Variants in DHRS9 observed in about 807,000 individuals in gnomAD.
The protein encoded by DHRS9 is dehydrogenase/reductase SDR family member 9.
Under a neutral mutation model 26.6 loss-of-function variants are expected in DHRS9, and 18 were observed. The ratio of observed to expected loss-of-function variants is 0.68; its 90% confidence interval spans 0.47 to 1.00. The LOEUF (loss-of-function observed/expected upper bound fraction) is 1.00, where lower values mean the gene tolerates loss of function less well. DHRS9 is among the 50% of genes least tolerant of loss of function. DHRS9 has a pLI of 0.00. For synonymous variants in DHRS9, 134 were observed against 141.1 expected, an observed-to-expected ratio of 0.95 and a Z score of 0.36; for missense variants, 425 against 378.7, an observed-to-expected ratio of 1.12 and a Z score of -1.01.
At chr2:169,088,586 C>T (rs1170897196) in intron 3 of DHRS9, among the ~76,000 whole-genome samples, 2 of 152,154 alleles carry the variant, frequency 1.3e-5, no homozygotes, top group East Asian at 3.8e-4. Flanking sequence ...TCCTGCTCCA[C>T]CTCTACCCTA....
chr2:169,080,010 A>AAAGAAAGG, intron 1 of DHRS9, among the ~76,000 whole-genome samples: 1 of 116,282 alleles, frequency 8.6e-6, no homozygotes, highest in Admixed American at 8.9e-5. Flanking sequence ...AGAAAGAAAG[A>AAAGAAAGG]AAGAAAGAAA....
rs530891856 is a variant in DHRS9, at chr2:169,078,527, T to C, written c.-59-2996T>C. Among the ~76,000 whole-genome samples, 22 of 152,304 alleles carry C rather than the reference T, an allele frequency of 1.4e-4. No homozygotes were observed. In the Middle Eastern group the frequency reaches 0.01, roughly 71 times the overall value. ...TGAATTTGTAGATACAAAATTTCCT[T>C]AAAAGGTTTAAACATGTAATTTTGC... is the stretch of plus-strand genomic sequence containing the variant. On this transcript the variant is annotated intron_variant, in intron 1 of 4. Transcript: ENST00000674881.
chr2:169,095,684 C>G lies in DHRS9; in HGVS notation c.877C>G (p.Pro293Ala), dbSNP rs772538911. 1 of 1,613,982 alleles carries G rather than the reference C, an allele frequency of 6.2e-7. No individual in the cohort carries two copies. Among genetic ancestry groups the G allele is most frequent in the Non-Finnish European group, 8.5e-7 (1 of 1,179,924 alleles). Residue 293 changes from proline to alanine, a missense_variant, in exon 5 of 5, where the codon CCT (proline) becomes GCT (alanine). Coordinates refer to ENST00000674881, the MANE Select transcript of DHRS9 (RefSeq NM_001376924.1). ...AAAAGATGCCAAAATTTTCTGGATA[C>G]CTCTGTCTCACATGCCAGCAGCTTT... ...AGKDAKIFWI[P>A]LSHMPAALQD... is the part of the protein sequence containing the mutation.
chr2:169,067,194 C>G (rs1265409431), upstream of DHRS9: 3 of 1,535,492 alleles, frequency 2.0e-6, no homozygotes, highest in Non-Finnish European at 2.6e-6. Context: ...CCAGCCTCAC[C>G]CTCCTGGTCA....
chr2:169,091,075 A>T (rs999334565), intron 3 of DHRS9, among the ~76,000 whole-genome samples: 1 of 152,048 alleles, frequency 6.6e-6, no homozygotes, highest in Non-Finnish European at 1.5e-5. Context: ...TTGACATAGG[A>T]TATTTTCAAC....
intron 1 of DHRS9, among the ~76,000 whole-genome samples, chr2:169,072,903 C>T (rs902284179): frequency 6.6e-6 from 1 of 152,210 alleles, no homozygotes; most frequent in African/African-American, 2.4e-5. Flanking sequence ...CTCTACTCTA[C>T]ACCAGAAATA....
At chr2:169,093,955 A>AGGTTCTCTTGGTCTCTCT in intron 4 of DHRS9, among the ~76,000 whole-genome samples, 2 of 152,202 alleles carry the variant, frequency 1.3e-5, no homozygotes. Flanking sequence ...GGTATGGTTT[A>AGGTTCTCTTGGTCTCTCT]AAAGTATGTG....
intron 2 of DHRS9, among the ~76,000 whole-genome samples, chr2:169,082,838 A>G (rs1343517354): frequency 7.4e-6 from 1 of 134,348 alleles, no homozygotes; most frequent in Non-Finnish European, 1.6e-5. Context: ...CAATGAGAAC[A>G]CATGGACACA....
At chr2:169,076,812 A>T (rs1683976014) in intron 1 of DHRS9, among the ~76,000 whole-genome samples, 1 of 152,350 alleles carries the variant, frequency 6.6e-6, no homozygotes, top group East Asian at 1.9e-4. Context: ...TACCAAAAAC[A>T]TAGTCAATTA....
chr2:169,083,290 CT>C (rs1558953104), intron 2 of DHRS9, 38 bp from the exon 3 acceptor site: 2 of 1,596,756 alleles, frequency 1.3e-6, no homozygotes, highest in Non-Finnish European at 1.7e-6. Context: ...CAAATAAGTA[CT>C]GTCTTACCAC....
intron 1 of DHRS9, chr2:169,070,621 A>G: frequency 2.0e-6 from 2 of 984,774 alleles, no homozygotes; most frequent in Non-Finnish European, 2.4e-6. Context: ...TATTTTTAAT[A>G]TTCAAAGAGG....
chr2:169,091,395 T>G (rs952542474), intron 3 of DHRS9, among the ~76,000 whole-genome samples: 20 of 152,360 alleles, frequency 1.3e-4, no homozygotes, highest in African/African-American at 4.6e-4. Context: ...TCTCCTTATG[T>G]TGCTAGAATG....
intron 2 of DHRS9, among the ~76,000 whole-genome samples, chr2:169,082,298 A>G (rs1176581360): frequency 6.6e-6 from 1 of 152,218 alleles, no homozygotes; most frequent in African/African-American, 2.4e-5. Flanking sequence ...CTGCAAAATG[A>G]TTCTAAAGCT....
intron 1 of DHRS9, among the ~76,000 whole-genome samples, chr2:169,071,814 A>G (rs1180328320): frequency 3.9e-5 from 6 of 152,200 alleles, no homozygotes; most frequent in Non-Finnish European, 5.9e-5. Flanking sequence ...CAGACTCTCA[A>G]AAAAGCATTC....
chr2:169,092,013 A>G (rs1684546822), intron 4 of DHRS9, 60 bp downstream of exon 4: 2 of 1,546,898 alleles, frequency 1.3e-6, no homozygotes, highest in South Asian at 2.4e-5. Flanking sequence ...AGCATGAAGG[A>G]GATTCAAATA....
upstream of DHRS9, among the ~76,000 whole-genome samples, chr2:169,067,715 A>G (rs192606437): frequency 3.9e-5 from 6 of 152,292 alleles, no homozygotes; most frequent in East Asian, 1.2e-3. Flanking sequence ...TGTATATTAA[A>G]GAGGTGAAAT....
At chr2:169,070,325 A>G in intron 1 of DHRS9, 1 of 985,424 alleles carries the variant, frequency 1.0e-6, no homozygotes, top group Non-Finnish European at 1.2e-6. Flanking sequence ...TTTACTCCCC[A>G]TTTTATGATC....
intron 4 of DHRS9, 23 bp downstream of exon 4, chr2:169,091,976 T>C (rs200658562): frequency 2.0e-5 from 33 of 1,610,126 alleles, no homozygotes; most frequent in South Asian, 8.8e-5. Context: ...GCGGTGCCAA[T>C]GTCCTCTAGA....
chr2:169,081,956 T>G (rs541457657), intron 2 of DHRS9, 62 bp downstream of exon 2: 1 of 1,474,930 alleles, frequency 6.8e-7, no homozygotes, highest in South Asian at 1.4e-5. Flanking sequence ...TAACCAAAGC[T>G]AAATAAAACA....
Sources: gnomAD v4.1 joint callset for allele counts (sites outside exome capture counted in the v4.1 genomes callset) on GRCh38, gnomAD v4.1.1 for gene constraint, MANE v1.5 for transcripts, NCBI Gene and HGNC (gene_info 2026-07-23, HGNC 2026-07-21) for gene names.